The following SDCBP2 variants were observed in gnomAD, a reference collection of about 807,000 sequenced individuals.
SDCBP2 encodes syntenin-2.
SDCBP2 carries 28 observed loss-of-function variants against 30.7 expected under a neutral mutation model. That is an observed-to-expected ratio of 0.91 (90% CI 0.68 to 1.25). The LOEUF is 1.25. SDCBP2 is among the 50% of genes most tolerant of loss of function. SDCBP2 has a pLI of 0.00. For synonymous variants in SDCBP2, 166 were observed against 157.3 expected, an observed-to-expected ratio of 1.06 and a Z score of -0.41; for missense variants, 399 against 379.0, an observed-to-expected ratio of 1.05 and a Z score of -0.44.
chr20:1,314,788 G>A (rs1187647358), intron 4 of SDCBP2, among the ~76,000 whole-genome samples: 4 of 152,086 alleles, frequency 2.6e-5, no homozygotes, highest in Admixed American at 6.5e-5. Context: ...AAAGAAATAC[G>A]TGTAAATCTA....
chr20:1,315,071 C>A (rs1236618931), intron 4 of SDCBP2, among the ~76,000 whole-genome samples: 5 of 152,090 alleles, frequency 3.3e-5, no homozygotes, highest in African/African-American at 9.7e-5. Flanking sequence ...AAAAGAATAG[C>A]GAGAGGAATC....
chr20:1,327,574 C>T (rs959949128), intron 1 of SDCBP2, among the ~76,000 whole-genome samples: 1 of 152,238 alleles, frequency 6.6e-6, no homozygotes, highest in Non-Finnish European at 1.5e-5. Context: ...GTGACTTCCT[C>T]AAGCAGACAC....
intron 3 of SDCBP2, among the ~76,000 whole-genome samples, chr20:1,318,629 C>G (rs193102400): frequency 1.3e-5 from 2 of 152,176 alleles, no homozygotes; most frequent in Admixed American, 6.5e-5. Flanking sequence ...AGTCCTCATG[C>G]ACCACTTTGC....
chr20:1,310,083 A>G lies in SDCBP2; in HGVS notation c.*358T>C, dbSNP rs1260926359. On this transcript the variant is annotated 3_prime_UTR_variant, in exon 9 of 9. Transcript: ENST00000360779. ...AGGAAAAAGCTCTCACAAAGAACGTAGCTCTGTTCTCTTAAAATGTGTAAC... is the reference window on the plus strand; with the variant it reads ...AGGAAAAAGCTCTCACAAAGAACGTGGCTCTGTTCTCTTAAAATGTGTAAC... 1 of 204,906 alleles carries G rather than the reference A, an allele frequency of 4.9e-6. No homozygotes were observed. Among genetic ancestry groups the G allele is most frequent in the African/African-American group, 2.3e-5 (1 of 43,394 alleles). The allele number at this position is 204,906 out of a possible 1,614,324, so 12.7% of individuals were successfully genotyped here.
At chr20:1,311,370 T>C (rs1410496577) in intron 7 of SDCBP2, among the ~76,000 whole-genome samples, 1 of 151,030 alleles carries the variant, frequency 6.6e-6, no homozygotes, top group African/African-American at 2.4e-5. Context: ...CCTCCTCCTC[T>C]TACATCCTCT....
At chr20:1,322,335 TTGTC>T (rs1238736994) in intron 1 of SDCBP2, 1 of 152,210 alleles carries the variant, frequency 6.6e-6, no homozygotes, top group Non-Finnish European at 1.5e-5. Context: ...GCCTCTTTAC[TTGTC>T]TGTCTACCTC....
chr20:1,314,700 C>G (rs1293957989), intron 4 of SDCBP2, among the ~76,000 whole-genome samples: 3 of 151,594 alleles, frequency 2.0e-5, no homozygotes, highest in Non-Finnish European at 4.4e-5. Context: ...CAAGACCAGC[C>G]TGGGCAACAA....
At position 1,312,475 on chromosome 20, in the gene SDCBP2, G is replaced by T. The variant is rs766639872; in HGVS notation, c.594C>A (p.Asp198Glu). ...TCACGAAGCCGACGTGGCCCATGCT[G>T]TCCTTGTGCATGGTGACAGTCCGCT... The part of the protein sequence containing the change: ...PFQRTVTMHK[D>E]SMGHVGFVIK... Residue 198 changes from aspartate (D) to glutamate (E), a missense_variant, in exon 7 of 9, where the codon GAC becomes GAA. Transcript: ENST00000360779. The T allele has an allele frequency of 3.7e-6, 6 of 1,614,048 alleles. No individual in the cohort carries two copies. Among genetic ancestry groups the T allele is most frequent in the Non-Finnish European group, 5.1e-6 (6 of 1,180,040 alleles).
chr20:1,312,432 C>A lies in SDCBP2; in HGVS notation c.637G>T (p.Val213Phe). The A allele has an allele frequency of 6.2e-7, 1 of 1,614,040 alleles. No homozygotes were observed. The highest frequency in any genetic ancestry group is 8.5e-7 in the Non-Finnish European group (1 of 1,179,960). ...GCAGAACTCCCTTTGACCAGAGAGA[C>A]AATCTTCCCCTTCTTGATCACGAAG... ...VGFVIKKGKI[V>F]SLVKGSSAAR... The change falls in exon 7 of 9, where the codon GTC (valine) becomes TTC (phenylalanine). Residue 213 changes from valine to phenylalanine, a missense_variant. By Grantham distance (50) the Val-to-Phe change is conservative. Transcript: ENST00000360779.
Position 1,310,906 on chromosome 20 carries a change from A to G in SDCBP2, c.733-15T>C. ...ATCTTTTTGTCCTAGGGAGGAGGCAAGTAAGCGATCACCCTAAGGATTGGG... is the reference window on the plus strand; with the variant it reads ...ATCTTTTTGTCCTAGGGAGGAGGCAGGTAAGCGATCACCCTAAGGATTGGG... On this transcript the variant is annotated splice_polypyrimidine_tract_variant and intron_variant, in intron 7 of 8. Coordinates refer to ENST00000360779, the MANE Select transcript of SDCBP2 (RefSeq NM_080489.5). 1 of 1,604,162 alleles carries G rather than the reference A, an allele frequency of 6.2e-7. No individual in the cohort carries two copies. Among genetic ancestry groups the G allele is most frequent in the Non-Finnish European group, 8.5e-7 (1 of 1,171,640 alleles).
chr20:1,325,166 C>G, intron 1 of SDCBP2, among the ~76,000 whole-genome samples: 1 of 152,170 alleles, frequency 6.6e-6, no homozygotes, highest in East Asian at 1.9e-4. Context: ...GTCCCTAGGG[C>G]CTGCCTCCAA....
At chr20:1,325,577 C>T (rs1168232502) in intron 1 of SDCBP2, 4 of 152,226 alleles carry the variant, frequency 2.6e-5, no homozygotes, top group African/African-American at 9.7e-5. Context: ...GGCTCCGCGG[C>T]CCCTCTTTAC....
chr20:1,318,485 C>A, intron 3 of SDCBP2, 67 bp from the exon 4 acceptor site: 1 of 966,734 alleles, frequency 1.0e-6, no homozygotes, highest in South Asian at 1.6e-5. Context: ...GCCTGCCTGG[C>A]TCCCCTGTGG....
intron 1 of SDCBP2, among the ~76,000 whole-genome samples, chr20:1,326,897 C>T (rs769630412): frequency 6.6e-6 from 1 of 152,232 alleles, no homozygotes; most frequent in Non-Finnish European, 1.5e-5. Flanking sequence ...GAAGAGAAAG[C>T]CTGATATCCT....
At chr20:1,315,970 G>T (rs2122517076) in intron 4 of SDCBP2, among the ~76,000 whole-genome samples, 1 of 152,292 alleles carries the variant, frequency 6.6e-6, no homozygotes, top group South Asian at 2.1e-4. Flanking sequence ...GGGCATGGTG[G>T]TGTGCACCTG....
At chr20:1,328,778 G>T (rs1278025235) in intron 1 of SDCBP2, among the ~76,000 whole-genome samples, 1 of 152,154 alleles carries the variant, frequency 6.6e-6, no homozygotes, top group Admixed American at 6.5e-5. Flanking sequence ...GCTGGAATTG[G>T]CCTTTCAAGG....
rs565187514 is a variant in SDCBP2, at chr20:1,310,370, A to T, written c.*71T>A. 67 of 1,500,896 alleles carry T rather than the reference A, an allele frequency of 4.5e-5. No homozygotes were observed. In the African/African-American group the frequency reaches 8.8e-4, roughly 20 times the overall value. The allele number at this position is 1,500,896 out of a possible 1,614,324, so 93.0% of individuals were successfully genotyped here. On this transcript the variant is annotated 3_prime_UTR_variant, in exon 9 of 9. Transcript: ENST00000360779. ...AGCAGCAGGCCGGCTGCAACCCATCATCCGAGGGTGGTTGCCCTTTGCTGC... is the reference window on the plus strand; with the variant it reads ...AGCAGCAGGCCGGCTGCAACCCATCTTCCGAGGGTGGTTGCCCTTTGCTGC...
chr20:1,313,764 A>C lies in SDCBP2; in HGVS notation c.226-266T>G. On this transcript the variant is annotated intron_variant, in intron 4 of 8. Transcript: ENST00000360779. The surrounding 1 kb of genome is among the most constrained non-coding windows in gnomAD (Gnocchi z 5.2). ...ACAGGAAGAGGCCCTTCATTTCCCA[A>C]GGGAAACTGGCATCAGGAAAAGCCT... 1.2e-6 allele frequency: 1 copy of C among 812,882 alleles called. No homozygotes were observed. Among genetic ancestry groups the C allele is most frequent in the Non-Finnish European group, 1.7e-6 (1 of 603,830 alleles). The allele number at this position is 812,882 out of a possible 1,614,324, so 50.4% of individuals were successfully genotyped here.
At chr20:1,314,625 G>A (rs2088749083) in intron 4 of SDCBP2, among the ~76,000 whole-genome samples, 1 of 147,294 alleles carries the variant, frequency 6.8e-6, no homozygotes, top group African/African-American at 2.5e-5. Context: ...GAGCTCAGTG[G>A]CTCACTCCTG....
Sources: allele counts gnomAD v4.1 joint callset (sites outside exome capture counted in the v4.1 genomes callset), GRCh38; gene constraint gnomAD v4.1.1; non-coding constraint Gnocchi (gnomAD v3.1); transcripts MANE v1.5; gene names NCBI Gene and HGNC (gene_info 2026-07-23, HGNC 2026-07-21).